SYT1: variants seen among roughly 807,000 people sequenced by gnomAD.
SYT1 encodes the protein synaptotagmin 1.
In SYT1, 8 loss-of-function variants were observed where a neutral mutation model predicts 44.8. That is an observed-to-expected ratio of 0.18 (90% CI 0.10 to 0.32). The LOEUF (loss-of-function observed/expected upper bound fraction) is 0.32. Ranked by LOEUF, SYT1 falls within the 10% of genes least tolerant of loss-of-function variation. The pLI, the probability that SYT1 is intolerant of heterozygous loss-of-function variation, is 1.00. For missense variants in SYT1, 286 were observed against 509.3 expected (o/e 0.56, Z 4.22); for synonymous variants, 154 against 188.8 (o/e 0.82, Z 1.51).
At chr12:79,148,026 GA>G (rs11390201) in intron 3 of SYT1, among the ~76,000 whole-genome samples, 6 of 151,488 alleles carry the variant, frequency 4.0e-5, no homozygotes, top group Admixed American at 1.3e-4. Context: ...AAACATTAAT[GA>G]AAAAAAAGAT....
intron 3 of SYT1, among the ~76,000 whole-genome samples, chr12:79,151,819 C>G (rs1870290433): frequency 6.6e-6 from 1 of 152,028 alleles, no homozygotes; most frequent in Admixed American, 6.5e-5. Flanking sequence ...TCATTTGTCC[C>G]AAAAAGTACG....
chr12:79,225,204 A>T (rs141027474), intron 4 of SYT1, among the ~76,000 whole-genome samples: 166 of 152,202 alleles, frequency 1.1e-3, no homozygotes, highest in African/African-American at 3.6e-3. Flanking sequence ...TCCGGATGAG[A>T]GATTTATAAG....
intron 4 of SYT1, among the ~76,000 whole-genome samples, chr12:79,256,240 T>C (rs1163367679): frequency 2.0e-5 from 3 of 152,234 alleles, no homozygotes; most frequent in Admixed American, 2.0e-4. Flanking sequence ...GCACATATTT[T>C]CTCTACTAAT....
chr12:78,944,992 C>T (rs867643258), intron 1 of SYT1, among the ~76,000 whole-genome samples: 3 of 152,114 alleles, frequency 2.0e-5, no homozygotes, highest in South Asian at 4.1e-4. Context: ...TGTACTCAAA[C>T]TCAAATAAGA....
intron 9 of SYT1, chr12:79,392,170 A>G (rs1025793344): frequency 2.6e-5 from 4 of 152,226 alleles, no homozygotes; most frequent in African/African-American, 7.2e-5. Flanking sequence ...TTTAAAATAT[A>G]TGTTTGAAAT....
intron 3 of SYT1, among the ~76,000 whole-genome samples, chr12:79,214,832 C>T (rs1874679045): frequency 1.3e-5 from 2 of 152,108 alleles, no homozygotes; most frequent in Admixed American, 1.3e-4. Context: ...CCTCAAATAT[C>T]TTCAACTATC....
At chr12:79,410,928 T>G (rs1028969010) in intron 9 of SYT1, among the ~76,000 whole-genome samples, 27 of 152,130 alleles carry the variant, frequency 1.8e-4, no homozygotes, top group African/African-American at 6.5e-4. Context: ...AATATTTTCT[T>G]TTTCTGGATA....
At chr12:79,190,185 G>C (rs1025762269) in intron 3 of SYT1, among the ~76,000 whole-genome samples, 9 of 152,012 alleles carry the variant, frequency 5.9e-5, no homozygotes, top group African/African-American at 2.2e-4. Context: ...TTCCGAACTT[G>C]CCAGAGAATT....
chr12:79,076,159 T>A (rs2137925840), intron 3 of SYT1, among the ~76,000 whole-genome samples: 1 of 152,256 alleles, frequency 6.6e-6, no homozygotes, highest in Middle Eastern at 3.4e-3. Flanking sequence ...TGTGATCTAA[T>A]GGAACAAGCT....
At chr12:79,382,104 C>G (rs1350408777) in intron 9 of SYT1, among the ~76,000 whole-genome samples, 2 of 152,074 alleles carry the variant, frequency 1.3e-5, no homozygotes, top group African/African-American at 4.8e-5. Context: ...GGGTACCCAC[C>G]CCTGGTTAAA....
At chr12:79,441,411 G>A (rs1481583868) in intron 9 of SYT1, among the ~76,000 whole-genome samples, 2 of 152,046 alleles carry the variant, frequency 1.3e-5, no homozygotes, top group East Asian at 3.9e-4. Flanking sequence ...CGTCTCCCTG[G>A]TTCAAGCAAT....
At chr12:79,319,638 G>A (rs1379700864) in intron 8 of SYT1, among the ~76,000 whole-genome samples, 1 of 152,136 alleles carries the variant, frequency 6.6e-6, no homozygotes, top group Admixed American at 6.5e-5. Context: ...AGTACCAAGG[G>A]AGGGCTGCAA....
intron 9 of SYT1, among the ~76,000 whole-genome samples, chr12:79,420,577 G>A (rs757086504): frequency 3.3e-5 from 5 of 152,084 alleles, no homozygotes; most frequent in Non-Finnish European, 7.4e-5. Flanking sequence ...GCACACTTCT[G>A]TCCTCTGACA....
At chr12:79,350,506 A>C (rs1194136456) in intron 8 of SYT1, among the ~76,000 whole-genome samples, 14 of 151,158 alleles carry the variant, frequency 9.3e-5, no homozygotes, top group Admixed American at 8.6e-4. Context: ...CCCGCCTCGG[A>C]CTCCCAAAGA....
chr12:79,021,563 G>A (rs571025521), intron 2 of SYT1, among the ~76,000 whole-genome samples: 1 of 151,682 alleles, frequency 6.6e-6, no homozygotes, highest in South Asian at 2.1e-4. Context: ...ATAAATTATA[G>A]CATTATGAAA....
At chr12:79,363,995 CA>C (rs1315956683) in intron 9 of SYT1, among the ~76,000 whole-genome samples, 1 of 152,074 alleles carries the variant, frequency 6.6e-6, no homozygotes, top group Non-Finnish European at 1.5e-5. Context: ...CCTAAACAAT[CA>C]GTTTTAAATT....
At chr12:79,114,647 T>A (rs1879182811) in intron 3 of SYT1, among the ~76,000 whole-genome samples, 1 of 152,156 alleles carries the variant, frequency 6.6e-6, no homozygotes, top group Admixed American at 6.6e-5. Context: ...CCAGAGCACT[T>A]CTTTATTGAG....
chr12:79,037,020 T>C (rs1873178419), intron 2 of SYT1, among the ~76,000 whole-genome samples: 1 of 151,818 alleles, frequency 6.6e-6, no homozygotes, highest in Non-Finnish European at 1.5e-5. Context: ...GAATTTTACT[T>C]TTGTCATTAT....
chr12:79,058,598 T>C (rs1456703988), intron 3 of SYT1, among the ~76,000 whole-genome samples: 2 of 152,052 alleles, frequency 1.3e-5, no homozygotes, highest in Non-Finnish European at 1.5e-5. Flanking sequence ...GAAAAAATAA[T>C]TGGGCCAAAG....
Sources: gnomAD v4.1 joint callset for allele counts (sites outside exome capture counted in the v4.1 genomes callset) on GRCh38, gnomAD v4.1.1 for gene constraint, MANE v1.5 for transcripts, NCBI Gene and HGNC (gene_info 2026-07-23, HGNC 2026-07-21) for gene names.